MMP26: variants seen among roughly 807,000 people sequenced by gnomAD.
The protein encoded by MMP26 is matrix metalloproteinase-26.
MMP26 carries 33 observed loss-of-function variants against 31.0 expected under a neutral mutation model. That is an observed-to-expected ratio of 1.06 (90% CI 0.81 to 1.42). The LOEUF (loss-of-function observed/expected upper bound fraction) is 1.42, where lower values mean the gene tolerates loss of function less well. Ranked by LOEUF, MMP26 falls within the 40% of genes most tolerant of loss-of-function variation. The probability of loss-of-function intolerance (pLI) is 0.00; values close to 1 mark genes in which losing one functional copy is unlikely to be tolerated. For synonymous variants in MMP26, 122 were observed against 114.9 expected (o/e 1.06, Z -0.40); for missense variants, 347 against 316.1 (o/e 1.10, Z -0.74).
intron 2 of MMP26, among the ~76,000 whole-genome samples, chr11:4,933,147 G>A (rs2133592465): frequency 6.6e-6 from 1 of 152,154 alleles, no homozygotes; most frequent in African/African-American, 2.4e-5. Flanking sequence ...AAAATTTGGA[G>A]TAATTATTAT....
At chr11:4,958,350 T>C (rs182687604) in intron 2 of MMP26, among the ~76,000 whole-genome samples, 1 of 152,362 alleles carries the variant, frequency 6.6e-6, no homozygotes, top group African/African-American at 2.4e-5. Flanking sequence ...CTCTTTTTAT[T>C]TTTTGCTTCT....
intron 1 of MMP26, among the ~76,000 whole-genome samples, chr11:4,728,637 A>AT (rs1206992407): frequency 2.0e-5 from 3 of 152,228 alleles, no homozygotes; most frequent in South Asian, 2.1e-4. Flanking sequence ...CTATTTCAGA[A>AT]TTTTTTTCTG....
chr11:4,906,973 G>A (rs1458454480), intron 2 of MMP26, among the ~76,000 whole-genome samples: 1 of 151,778 alleles, frequency 6.6e-6, no homozygotes, highest in Non-Finnish European at 1.5e-5. Context: ...GTGCACACCT[G>A]TAATCCCAGC....
At chr11:4,761,924 A>G (rs1037924181) in intron 1 of MMP26, among the ~76,000 whole-genome samples, 1 of 152,180 alleles carries the variant, frequency 6.6e-6, no homozygotes, top group African/African-American at 2.4e-5. Context: ...CTCCATGGGA[A>G]CTGACTGTTG....
intron 2 of MMP26, among the ~76,000 whole-genome samples, chr11:4,853,616 C>A (rs1431846692): frequency 2.0e-5 from 3 of 152,056 alleles, no homozygotes; most frequent in Admixed American, 6.5e-5. Flanking sequence ...CAATTCTAAA[C>A]AGACCTATAA....
chr11:4,789,439 T>A (rs1286040544), intron 2 of MMP26, among the ~76,000 whole-genome samples: 1 of 151,998 alleles, frequency 6.6e-6, no homozygotes, highest in East Asian at 1.9e-4. Flanking sequence ...ATTCCCATTT[T>A]TTTTTGACAG....
At chr11:4,946,017 C>T (rs1019621266) in intron 2 of MMP26, 20 of 761,868 alleles carry the variant, frequency 2.6e-5, no homozygotes, top group Admixed American at 1.1e-4. Context: ...TATTCTCATT[C>T]GCAGTATCCA....
Position 4,949,200 on chromosome 11 carries a change from T to A in MMP26, c.-144-38868T>A. On this transcript the variant is annotated intron_variant, in intron 2 of 7. Transcript: ENST00000380390. ...TGTATTTTTTAAACTGGCATCTTTT[T>A]TATCTTTATTATTATTTTTCCCATT... is the stretch of plus-strand genomic sequence containing the variant. Among the ~76,000 whole-genome samples the A allele has an allele frequency of 1.6e-5, 2 of 124,200 alleles. 1 individual carries two copies. 81.5% of individuals were successfully genotyped at this position (124,200 alleles called of 152,430 possible).
rs556923356 is a variant in MMP26 at position 4,805,547 on chromosome 11, C to T, written c.-145+38206C>T. Reference sequence around the variant, plus strand: ...CAGGCTATAGTTTGCCAACCTCTGTCCTAGAAGAGGAATTTTTCATGAAGT... The same window carrying T: ...CAGGCTATAGTTTGCCAACCTCTGTTCTAGAAGAGGAATTTTTCATGAAGT... On this transcript the variant is annotated intron_variant, in intron 2 of 7. Coordinates refer to ENST00000380390, the MANE Select transcript of MMP26 (RefSeq NM_021801.5). Among the ~76,000 whole-genome samples the T allele has an allele frequency of 9.9e-5, 15 of 152,246 alleles. 1 individual carries two copies. The South Asian group carries it at 3.1e-3, about 32-fold the overall frequency.
chr11:4,988,936 C>A lies in MMP26; in HGVS notation c.99+626C>A, dbSNP rs183465501. Among the ~76,000 whole-genome samples the A allele has an allele frequency of 9.2e-5, 14 of 152,118 alleles. No homozygotes were observed. The East Asian group carries it at 2.5e-3, about 27-fold the overall frequency. ...ATAATAAAACAAAGGCATAAAAATG[C>A]AGTCATATAATTTAAAAAAAACAGT... On this transcript the variant is annotated intron_variant, in intron 3 of 7. Transcript: ENST00000380390.
In MMP26 at chr11:4,991,463, G is replaced by A; in HGVS notation, c.562G>A (p.Asp188Asn). 6.2e-7 allele frequency: 1 copy of A among 1,613,924 alleles called. No homozygotes were observed. Among genetic ancestry groups the A allele is most frequent in the Non-Finnish European group, 8.5e-7 (1 of 1,179,852 alleles). Reference sequence around the variant, plus strand: ...TGGAAATCCTGGAGTTGTCCATTTTGACAAGAATGAACACTGGTCAGCTTC... The same window carrying A: ...TGGAAATCCTGGAGTTGTCCATTTTAACAAGAATGAACACTGGTCAGCTTC... Reference protein sequence around the residue: ...NSGNPGVVHFDKNEHWSASDT... With the variant: ...NSGNPGVVHFNKNEHWSASDT... The change falls in exon 6 of 8, where the codon GAC becomes AAC. Residue 188 changes from aspartate to asparagine, a missense_variant. Coordinates refer to ENST00000380390, the MANE Select transcript of MMP26 (RefSeq NM_021801.5).
rs11825718 is a variant in MMP26 at position 4,929,663 on chromosome 11, G to A, written c.-144-58405G>A. ...TTGTGAAATAGAAGGGATAGCTGTTGTGAGGTTGGCTCCAGTAGCAAAAGC... is the reference window on the plus strand; with the variant it reads ...TTGTGAAATAGAAGGGATAGCTGTTATGAGGTTGGCTCCAGTAGCAAAAGC... On this transcript the variant is annotated intron_variant, in intron 2 of 7. Coordinates refer to ENST00000380390, the MANE Select transcript of MMP26 (RefSeq NM_021801.5). Among the ~76,000 whole-genome samples the A allele has an allele frequency of 6.3e-3, 958 of 152,192 alleles. 11 individuals carry two copies. The highest frequency in any genetic ancestry group is 0.022 in the African/African-American group (914 of 41,538).
intron 2 of MMP26, among the ~76,000 whole-genome samples, chr11:4,862,801 A>G (rs956304947): frequency 6.6e-6 from 1 of 152,212 alleles, no homozygotes; most frequent in Non-Finnish European, 1.5e-5. Context: ...AATTTTTGAA[A>G]GGTAGTGTAG....
At chr11:4,800,261 G>A (rs990981155) in intron 2 of MMP26, among the ~76,000 whole-genome samples, 1 of 152,206 alleles carries the variant, frequency 6.6e-6, no homozygotes, top group Non-Finnish European at 1.5e-5. Context: ...AAATTTAGGG[G>A]GAAGCCTGCA....
Position 4,992,113 on chromosome 11 carries a change from C to T in MMP26, c.745C>T (p.Gln249Ter). Residue 249 changes from glutamine to a stop codon, truncating the protein, a stop_gained, in exon 7 of 8, where the codon CAG (glutamine) becomes TAG (stop). Coordinates refer to ENST00000380390, the MANE Select transcript of MMP26 (RefSeq NM_021801.5). LOFTEE classifies it high-confidence loss of function. ...QLSADDIQRI[Q>*]HLYGEKCSSD... ...CAGTGCCGATGATATCCAAAGGATC[C>T]AGCATTTGTATGGTCTGTGCTGCTT... 1 of 1,613,234 alleles carries T rather than the reference C, an allele frequency of 6.2e-7. No homozygotes were observed. The highest frequency in any genetic ancestry group is 2.2e-5 in the East Asian group (1 of 44,842).
Position 4,923,489 on chromosome 11 carries a change from A to T in MMP26, c.-144-64579A>T. The stretch of plus-strand genomic sequence containing the variant: ...GATGGGGTTCATAAGGGGTGGTACC[A>T]GCAGATACACATAGGACATGAAGAG... On this transcript the variant is annotated intron_variant, in intron 2 of 7. Transcript: ENST00000380390. 6.2e-6 allele frequency: 10 copies of T among 1,614,150 alleles called. 1 individual carries two copies. The Middle Eastern group carries it at 1.7e-3, about 267-fold the overall frequency.
intron 1 of MMP26, among the ~76,000 whole-genome samples, chr11:4,756,185 T>A (rs1295176854): frequency 1.3e-5 from 2 of 151,382 alleles, no homozygotes; most frequent in African/African-American, 2.4e-5. Flanking sequence ...AAAAACAGAG[T>A]CAAGGGACAG....
chr11:4,743,566 G>A (rs958604723), intron 1 of MMP26, among the ~76,000 whole-genome samples: 1 of 152,026 alleles, frequency 6.6e-6, no homozygotes, highest in Non-Finnish European at 1.5e-5. Flanking sequence ...GGAAATTAAT[G>A]TCTATTATTA....
chr11:4,770,212 G>A (rs1848698131), intron 2 of MMP26, among the ~76,000 whole-genome samples: 1 of 152,064 alleles, frequency 6.6e-6, no homozygotes, highest in African/African-American at 2.4e-5. Context: ...AATATATTAA[G>A]ATGCATCATA....
Sources: allele counts gnomAD v4.1 joint callset (sites outside exome capture counted in the v4.1 genomes callset), GRCh38; gene constraint gnomAD v4.1.1; transcripts MANE v1.5; gene names NCBI Gene and HGNC (gene_info 2026-07-23, HGNC 2026-07-21).